Variants in ZDHHC17 observed in about 807,000 individuals in gnomAD.
ZDHHC17 encodes palmitoyltransferase ZDHHC17.
Under a neutral mutation model 90.3 loss-of-function variants are expected in ZDHHC17, and 40 were observed. That is an observed-to-expected ratio of 0.44 (90% CI 0.34 to 0.58). The LOEUF is 0.58. ZDHHC17 is among the 20% of genes least tolerant of loss of function. The pLI is 0.01. For synonymous variants in ZDHHC17, 235 were observed against 252.4 expected (o/e 0.93, Z 0.65); for missense variants, 614 against 780.8 (o/e 0.79, Z 2.55).
Position 76,848,285 on chromosome 12 carries a change from C to A in ZDHHC17, c.1560C>A (p.Tyr520Ter). Residue 520 changes from tyrosine (Y) to a stop codon, truncating the protein, a stop_gained, in exon 15 of 17, where the codon TAC (tyrosine) becomes TAA (stop). Transcript: ENST00000426126. LOFTEE classifies it high-confidence loss of function. ...TTYTKDGFWT[Y>*]ITQIATCSPW... The stretch of plus-strand genomic sequence containing the variant: ...ACACCAAGGATGGATTTTGGACATA[C>A]ATTACTCAGATTGCCACGTGTTCAC... 6.2e-7 allele frequency: 1 copy of A among 1,613,894 alleles called. No homozygotes were observed. Among genetic ancestry groups the A allele is most frequent in the Non-Finnish European group, 8.5e-7 (1 of 1,179,848 alleles).
intron 10 of ZDHHC17, among the ~76,000 whole-genome samples, chr12:76,833,813 T>C (rs1012627060): frequency 2.6e-5 from 4 of 151,910 alleles, no homozygotes; most frequent in African/African-American, 9.7e-5. Context: ...TAAATAAAAA[T>C]AAATACCCTT....
Position 76,836,301 on chromosome 12 carries a change from T to A in ZDHHC17, c.1142-5681T>A, listed in dbSNP as rs1592495683. ...ATTTTACCTGGAATTTGCTTTATGT[T>A]AAAGAATTTTGTAATATATAGTTTA... On this transcript the variant is annotated intron_variant, in intron 10 of 16. Transcript: ENST00000426126. 2.0e-5 allele frequency among the ~76,000 whole-genome samples: 3 copies of A among 151,574 alleles called. 1 individual carries two copies. The highest frequency in any genetic ancestry group is 2.0e-4 in the Admixed American group (3 of 15,176).
intron 3 of ZDHHC17, among the ~76,000 whole-genome samples, chr12:76,806,815 C>T (rs957630915): frequency 6.6e-6 from 1 of 152,214 alleles, no homozygotes; most frequent in African/African-American, 2.4e-5. Context: ...GCCTAGCCAA[C>T]ACAAATGTAA....
At chr12:76,846,797 A>G in intron 14 of ZDHHC17, 118 bp downstream of exon 14, 1 of 833,918 alleles carries the variant, frequency 1.2e-6, no homozygotes, top group South Asian at 1.8e-5. Flanking sequence ...TATGGTTTGG[A>G]CACCTTATGA....
In ZDHHC17 at chr12:76,811,755, C is replaced by T. The variant is rs575144744; in HGVS notation, c.543+1898C>T. 3.3e-5 allele frequency among the ~76,000 whole-genome samples: 5 copies of T among 152,128 alleles called. No homozygotes were observed. In the South Asian group the frequency reaches 1.0e-3, roughly 32 times the overall value. On this transcript the variant is annotated intron_variant, in intron 5 of 16. Coordinates refer to ENST00000426126, the MANE Select transcript of ZDHHC17 (RefSeq NM_015336.4). ...GCCATCTGCTGACTGAGGTTACTTC[C>T]TTTAATAATGTAGTATGTATTTTAA...
At chr12:76,843,299 T>C (rs1044349210) in intron 12 of ZDHHC17, among the ~76,000 whole-genome samples, 1 of 152,170 alleles carries the variant, frequency 6.6e-6, no homozygotes, top group Non-Finnish European at 1.5e-5. Context: ...AATGATTCCC[T>C]AATAGATTGT....
At position 76,842,058 on chromosome 12, in the gene ZDHHC17, G is replaced by C. The variant is rs1272407802; in HGVS notation, c.1218G>C (p.Trp406Cys). 1.1e-5 allele frequency: 17 copies of C among 1,601,162 alleles called. No homozygotes were observed. Among genetic ancestry groups the C allele is most frequent in the Non-Finnish European group, 1.4e-5 (16 of 1,174,414 alleles). ...TTTTCTACAATTTTGGAAAATCTTGGAAATCAGATCCAGGGATTATTAAAG... is the reference window on the plus strand; with the variant it reads ...TTTTCTACAATTTTGGAAAATCTTGCAAATCAGATCCAGGGATTATTAAAG... The part of the protein sequence containing the change: ...VALFYNFGKS[W>C]KSDPGIIKAT... Residue 406 changes from tryptophan (W) to cysteine (C), a missense_variant, in exon 11 of 17, where the codon TGG (tryptophan) becomes TGC (cysteine). Trp to Cys is a radical substitution (Grantham distance 215). Coordinates refer to ENST00000426126, the MANE Select transcript of ZDHHC17 (RefSeq NM_015336.4).
intron 1 of ZDHHC17, among the ~76,000 whole-genome samples, chr12:76,770,312 G>A (rs1200104366): frequency 6.6e-6 from 1 of 152,206 alleles, no homozygotes; most frequent in Non-Finnish European, 1.5e-5. Flanking sequence ...GGATTGAAGA[G>A]AAGATGGGCA....
intron 1 of ZDHHC17, among the ~76,000 whole-genome samples, chr12:76,794,531 T>C (rs2137741944): frequency 6.6e-6 from 1 of 152,324 alleles, no homozygotes; most frequent in East Asian, 1.9e-4. Context: ...TTTTCTTTAG[T>C]GAGTATAACT....
intron 10 of ZDHHC17, among the ~76,000 whole-genome samples, chr12:76,834,103 A>G (rs10778950): frequency 0.44 from 67,592 of 151,976 alleles, 15,406 homozygotes; most frequent in East Asian, 0.65. Context: ...AAAATGCACA[A>G]AGGAAAAGAG....
intron 7 of ZDHHC17, among the ~76,000 whole-genome samples, chr12:76,820,102 T>A (rs1953145117): frequency 6.6e-6 from 1 of 152,170 alleles, no homozygotes; most frequent in South Asian, 2.1e-4. Flanking sequence ...TAGGTTTTTT[T>A]ATCTGGAGTC....
chr12:76,810,789 C>T (rs573185869), intron 5 of ZDHHC17, among the ~76,000 whole-genome samples: 11 of 152,238 alleles, frequency 7.2e-5, no homozygotes, highest in East Asian at 5.8e-4. Context: ...CCAATTAATA[C>T]GTCTCACAAT....
At chr12:76,815,307 TA>T (rs1953072613) in intron 6 of ZDHHC17, 97 bp downstream of exon 6, 1 of 687,296 alleles carries the variant, frequency 1.5e-6, no homozygotes, top group Non-Finnish European at 2.3e-6. Context: ...TACTCACTAA[TA>T]TTTACAGTTT....
Position 76,819,102 on chromosome 12 carries a change from G to A in ZDHHC17, c.771+3083G>A, listed in dbSNP as rs118185176. ...AGGTGTGAGGATAAAAGAAACCATC[G>A]TTGATGACTTAGGTTTTGTTTTGGG... On this transcript the variant is annotated intron_variant, in intron 7 of 16. Transcript: ENST00000426126. Among the ~76,000 whole-genome samples, 148 of 152,210 alleles carry A rather than the reference G, an allele frequency of 9.7e-4. 5 individuals carry two copies. In the East Asian group the frequency reaches 0.026, roughly 26 times the overall value.
At chr12:76,818,733 G>A (rs1325051139) in intron 7 of ZDHHC17, among the ~76,000 whole-genome samples, 1 of 152,192 alleles carries the variant, frequency 6.6e-6, no homozygotes, top group Admixed American at 6.5e-5. Context: ...AGTACAGTGA[G>A]CAAGATGGTG....
At chr12:76,773,444 A>G (rs1349187563) in intron 1 of ZDHHC17, among the ~76,000 whole-genome samples, 1 of 152,028 alleles carries the variant, frequency 6.6e-6, no homozygotes, top group African/African-American at 2.4e-5. Context: ...GCTGAATAAT[A>G]TTTTATTTTC....
At chr12:76,769,587 T>C (rs1357865963) in intron 1 of ZDHHC17, among the ~76,000 whole-genome samples, 1 of 152,172 alleles carries the variant, frequency 6.6e-6, no homozygotes, top group East Asian at 1.9e-4. Flanking sequence ...CACTAGGATT[T>C]GATGCCTTTT....
intron 1 of ZDHHC17, among the ~76,000 whole-genome samples, chr12:76,766,732 G>C (rs1401079760): frequency 2.6e-5 from 4 of 152,034 alleles, no homozygotes; most frequent in Non-Finnish European, 1.5e-5. Flanking sequence ...AGAAAATGGA[G>C]ATCCTGGCTG....
At chr12:76,846,510 A>T in intron 13 of ZDHHC17, 86 bp from the exon 14 acceptor site, 1 of 925,370 alleles carries the variant, frequency 1.1e-6, no homozygotes, top group South Asian at 1.6e-5. Context: ...AAACTGTAGC[A>T]CACCTTTCAT....
Sources: gnomAD v4.1 joint callset for allele counts (sites outside exome capture counted in the v4.1 genomes callset) on GRCh38, gnomAD v4.1.1 for gene constraint, MANE v1.5 for transcripts, NCBI Gene and HGNC (gene_info 2026-07-23, HGNC 2026-07-21) for gene names.